Variants in ZSCAN18 observed in about 807,000 individuals in gnomAD.
ZSCAN18 encodes zinc finger and SCAN domain containing 18, also known as zinc finger and SCAN domain-containing protein 18.
Under a neutral mutation model 31.1 loss-of-function variants are expected in ZSCAN18, and 16 were observed. That is an observed-to-expected ratio of 0.51 (90% CI 0.35 to 0.78). The LOEUF (loss-of-function observed/expected upper bound fraction) is 0.78, where lower values mean the gene tolerates loss of function less well. Among genes scored for constraint, ZSCAN18 ranks in the 30% least tolerant of loss-of-function variants. The probability of loss-of-function intolerance (pLI) is 0.01; values close to 1 mark genes in which losing one functional copy is unlikely to be tolerated. For missense variants in ZSCAN18, 731 were observed against 697.4 expected, an observed-to-expected ratio of 1.05 and a Z score of -0.54; for synonymous variants, 375 against 320.7, an observed-to-expected ratio of 1.17 and a Z score of -1.81.
At position 58,086,233 on chromosome 19, in the gene ZSCAN18, C is replaced by T; in HGVS notation, c.779G>A (p.Arg260Lys). ...YQLSQPDAAS[R>K]LDTEELRLVE... ...CAACCGGAGTTCCTCAGTGTCCAGC[C>T]TGGAGGCAGCGTCAGGCTGGGAAAG... Residue 260 changes from arginine to lysine, a missense_variant, in exon 6 of 7, where the codon AGG (arginine) becomes AAG (lysine). Transcript: ENST00000601144. 2 of 1,613,942 alleles carry T rather than the reference C, an allele frequency of 1.2e-6. No homozygotes were observed. The highest frequency in any genetic ancestry group is 1.7e-6 in the Non-Finnish European group (2 of 1,179,908).
exon 1 of ZSCAN18, chr19:58,118,377 C>A (rs1161461555): frequency 4.6e-6 from 7 of 1,531,046 alleles, no homozygotes; most frequent in Non-Finnish European, 6.2e-6. Context: ...CTCGTCAGCT[C>A]GCCCTCCGAC....
At chr19:58,109,153 A>C in intron 1 of ZSCAN18, 1 of 1,230,460 alleles carries the variant, frequency 8.1e-7, no homozygotes, top group Non-Finnish European at 1.0e-6. Context: ...TCTATGGAGC[A>C]TTTCTACCTG....
In ZSCAN18 at chr19:58,090,193, T is replaced by G. The variant is rs1433499321; in HGVS notation, c.75A>C (p.Ser25=). The change falls in exon 2 of 7, where the codon TCA becomes TCC. Residue 25 remains serine (S), a synonymous_variant. Coordinates refer to ENST00000601144, the MANE Select transcript of ZSCAN18 (RefSeq NM_001145543.2). This position sits in a 1 kb window ranked among gnomAD's most constrained non-coding sequence, Gnocchi z 4.7. ...GTTCTTCCTGCTGGACTCCGGCTGC[T>G]GACCCCGGCGTGGGCAGATCCGGCG... ...PAPPDLPTPG[S]AAGVQQEEPE... is the part of the protein sequence containing the mutation. 6.2e-7 allele frequency: 1 copy of G among 1,613,688 alleles called. No individual in the cohort carries two copies. Among genetic ancestry groups the G allele is most frequent in the East Asian group, 2.2e-5 (1 of 44,862 alleles).
At chr19:58,092,962 G>C (rs2074444105) in intron 1 of ZSCAN18, among the ~76,000 whole-genome samples, 3 of 151,768 alleles carry the variant, frequency 2.0e-5, no homozygotes, top group Admixed American at 2.0e-4. Flanking sequence ...GTTTTGTAGA[G>C]ACAGGGATCT....
Position 58,084,759 on chromosome 19 carries a change from C to A in ZSCAN18, c.1459G>T (p.Gly487Trp). The A allele has an allele frequency of 6.4e-7, 1 of 1,566,986 alleles. No individual in the cohort carries two copies. Residue 487 changes from glycine to tryptophan, a missense_variant, in exon 7 of 7, where the codon GGG (glycine) becomes TGG (tryptophan). Physicochemically the swap from Gly to Trp is radical, Grantham distance 184. This residue lies in a region of ZSCAN18 where 597 missense variants were observed against 499.5 expected (regional missense o/e 1.20). Transcript: ENST00000601144. The surrounding 1 kb of genome is among the most constrained non-coding windows in gnomAD (Gnocchi z 4.5). ...TCTGGGGGACCGCCCGCCCTAGCCC[C>A]CGCCTGGGCTTCGCGGGTGGACGGT... is the stretch of plus-strand genomic sequence containing the variant. ...PQPSTREAQA[G>W]ARAGGPPESV...
chr19:58,089,059 T>C (rs1200153522), intron 2 of ZSCAN18, among the ~76,000 whole-genome samples: 1 of 151,844 alleles, frequency 6.6e-6, no homozygotes, highest in Admixed American at 6.6e-5. Flanking sequence ...ATCCCAGCAC[T>C]TTGGGAGGCC....
chr19:58,117,217 G>A (rs1302604489), intron 1 of ZSCAN18, among the ~76,000 whole-genome samples: 6 of 152,198 alleles, frequency 3.9e-5, no homozygotes, highest in African/African-American at 1.2e-4. Flanking sequence ...AGGATTGTGG[G>A]TGGAGGGAGT....
chr19:58,084,472 G>A lies in ZSCAN18; in HGVS notation c.*213C>T. 1 of 476,306 alleles carries A rather than the reference G, an allele frequency of 2.1e-6. No individual in the cohort carries two copies. Among genetic ancestry groups the A allele is most frequent in the Non-Finnish European group, 3.6e-6 (1 of 280,466 alleles). 29.5% of individuals were successfully genotyped at this position (476,306 alleles called of 1,614,324 possible). On this transcript the variant is annotated 3_prime_UTR_variant, in exon 7 of 7. Transcript: ENST00000601144. The surrounding 1 kb of genome is among the most constrained non-coding windows in gnomAD (Gnocchi z 4.5). ...ATCCGGCGGCTCCCCTCGGATGCGA[G>A]CGCTGGCCCAGGGTGTGTTTACAGA... is the stretch of plus-strand genomic sequence containing the variant.
chr19:58,106,332 G>A (rs1226189061), intron 1 of ZSCAN18, among the ~76,000 whole-genome samples: 1 of 152,172 alleles, frequency 6.6e-6, no homozygotes, highest in Admixed American at 6.5e-5. Flanking sequence ...GAGCCTAGAG[G>A]TCGAGGCTGC....
upstream of ZSCAN18, among the ~76,000 whole-genome samples, chr19:58,099,206 G>A (rs1419489073): frequency 7.2e-5 from 11 of 151,988 alleles, no homozygotes; most frequent in African/African-American, 2.2e-4. Context: ...CAACAAACTC[G>A]GGACAAAGAA....
At chr19:58,094,074 T>G (rs1174602614) in intron 1 of ZSCAN18, among the ~76,000 whole-genome samples, 1 of 151,932 alleles carries the variant, frequency 6.6e-6, no homozygotes, top group Non-Finnish European at 1.5e-5. Context: ...CTTCAACCAT[T>G]TTTTAAATTG....
intron 1 of ZSCAN18, among the ~76,000 whole-genome samples, chr19:58,115,929 A>T (rs1568647243): frequency 6.6e-6 from 1 of 152,034 alleles, no homozygotes; most frequent in Non-Finnish European, 1.5e-5. Context: ...ACTGGTGGAA[A>T]CGCTGAAAAC....
In ZSCAN18 at chr19:58,084,986, T is replaced by A; in HGVS notation, c.1232A>T (p.Lys411Met). The change falls in exon 7 of 7, where the codon AAG becomes ATG. Residue 411 changes from lysine (K) to methionine (M), a missense_variant. Coordinates refer to ENST00000601144, the MANE Select transcript of ZSCAN18 (RefSeq NM_001145543.2). The surrounding 1 kb of genome is among the most constrained non-coding windows in gnomAD (Gnocchi z 4.5). ...CCCGCACTCGCCGCAGGCATAGGGC[T>A]TCCCGCGGGACAAGCCCGGCTCGTC... ...GADEPGLSRGKPYACGECGEA... is the reference protein window; with the variant it reads ...GADEPGLSRGMPYACGECGEA... 6.3e-7 allele frequency: 1 copy of A among 1,597,968 alleles called. No homozygotes were observed. Among genetic ancestry groups the A allele is most frequent in the Non-Finnish European group, 8.5e-7 (1 of 1,173,304 alleles).
At chr19:58,110,896 C>A (rs553508671) in intron 1 of ZSCAN18, among the ~76,000 whole-genome samples, 1 of 152,118 alleles carries the variant, frequency 6.6e-6, no homozygotes, top group Non-Finnish European at 1.5e-5. Flanking sequence ...AGGCCAGGCA[C>A]GGTGGCTCAC....
chr19:58,104,315 G>C (rs2074616699), intron 1 of ZSCAN18, among the ~76,000 whole-genome samples: 1 of 151,938 alleles, frequency 6.6e-6, no homozygotes, highest in Non-Finnish European at 1.5e-5. Context: ...GGAGGCGAAG[G>C]TTGCAGTGAG....
chr19:58,108,431 C>A (rs2074653225), intron 1 of ZSCAN18: 1 of 985,512 alleles, frequency 1.0e-6, no homozygotes, highest in Non-Finnish European at 1.2e-6. Context: ...TTTCACAGGG[C>A]TTCTTTCCTA....
intron 1 of ZSCAN18, among the ~76,000 whole-genome samples, chr19:58,115,635 T>TG (rs1197135516): frequency 2.6e-5 from 4 of 152,330 alleles, no homozygotes; most frequent in African/African-American, 9.6e-5. Context: ...ACAGCCTCTC[T>TG]GAAGAACAAT....
intron 1 of ZSCAN18, among the ~76,000 whole-genome samples, chr19:58,115,504 T>C (rs536014673): frequency 6.6e-6 from 1 of 152,208 alleles, no homozygotes; most frequent in Non-Finnish European, 1.5e-5. Flanking sequence ...GAGAATCATT[T>C]TGAAACAGGT....
At chr19:58,117,796 G>A (rs1223117092) in intron 1 of ZSCAN18, among the ~76,000 whole-genome samples, 1 of 151,944 alleles carries the variant, frequency 6.6e-6, no homozygotes, top group Non-Finnish European at 1.5e-5. Context: ...CGCCCCAGTG[G>A]GAGGGTAGAG....
Sources: gnomAD v4.1 joint callset for allele counts (sites outside exome capture counted in the v4.1 genomes callset) on GRCh38, gnomAD v4.1.1 for gene constraint, gnomAD v4.1.1 regional missense constraint, Gnocchi (gnomAD v3.1) non-coding constraint, MANE v1.5 for transcripts, NCBI Gene and HGNC (gene_info 2026-07-23, HGNC 2026-07-21) for gene names.